Variants in SNX29 observed in about 807,000 individuals in gnomAD.
SNX29 encodes sorting nexin 29.
In SNX29, 78 loss-of-function variants were observed where a neutral mutation model predicts 102.1. The observed-to-expected ratio is 0.76, with a 90% CI of 0.64 to 0.92. The LOEUF (loss-of-function observed/expected upper bound fraction) is 0.92, where lower values mean the gene tolerates loss of function less well. Among genes scored for constraint, SNX29 ranks in the 40% least tolerant of loss-of-function variants. The pLI is 0.00. For synonymous variants in SNX29, 580 were observed against 414.5 expected, an observed-to-expected ratio of 1.40 and a Z score of -4.85; for missense variants, 1,280 against 1,061.7, an observed-to-expected ratio of 1.21 and a Z score of -2.86.
intron 19 of SNX29, among the ~76,000 whole-genome samples, chr16:12,517,985 G>T (rs1327279720): frequency 6.6e-6 from 1 of 152,168 alleles, no homozygotes; most frequent in Non-Finnish European, 1.5e-5. Flanking sequence ...TACAATGTTG[G>T]TGAGGGTCGG....
rs2079217290 is a variant in SNX29, at chr16:12,572,861, AG to A, written c.*4234del. On this transcript the variant is annotated 3_prime_UTR_variant, in exon 21 of 21. Coordinates refer to ENST00000566228, the MANE Select transcript of SNX29 (RefSeq NM_032167.5). ...CCTCATGCCCAGGTTTCAGCCCTAA[AG>A]GTAATGATTGTCTTGACTCTGCCTT... The A allele has an allele frequency of 9.4e-7, 1 of 1,063,392 alleles. No individual in the cohort carries two copies. The highest frequency in any genetic ancestry group is 1.1e-6 in the Non-Finnish European group (1 of 878,026). 65.9% of individuals were successfully genotyped at this position (1,063,392 alleles called of 1,614,324 possible).
intron 9 of SNX29, among the ~76,000 whole-genome samples, chr16:12,067,403 C>T (rs1483868203): frequency 1.3e-5 from 2 of 152,120 alleles, no homozygotes; most frequent in African/African-American, 4.8e-5. Flanking sequence ...ATGAGGAAGG[C>T]ACCGAGGCGT....
intron 13 of SNX29, among the ~76,000 whole-genome samples, chr16:12,138,980 A>G (rs774717363): frequency 2.0e-5 from 3 of 152,020 alleles, no homozygotes; most frequent in Non-Finnish European, 4.4e-5. Context: ...AGGTAGGTGG[A>G]TCACTGAGGT....
intron 15 of SNX29, among the ~76,000 whole-genome samples, chr16:12,290,379 C>A (rs1395177346): frequency 6.6e-6 from 1 of 152,164 alleles, no homozygotes; most frequent in Admixed American, 6.5e-5. Context: ...TGGCTGACTT[C>A]TGATCTTTCA....
rs957234863 is a variant in SNX29, at chr16:12,468,090, C to T, written c.2038-9629C>T. ...CTCCTTTCACTTGTCCCCTGTTACA[C>T]GAGCCCCTGCCACATGTTCCCTCTG... On this transcript the variant is annotated intron_variant, in intron 18 of 20. Coordinates refer to ENST00000566228, the MANE Select transcript of SNX29 (RefSeq NM_032167.5). Among the ~76,000 whole-genome samples the T allele has an allele frequency of 4.0e-5, 6 of 151,750 alleles. No individual in the cohort carries two copies. The East Asian group carries it at 9.7e-4, about 25-fold the overall frequency.
intron 18 of SNX29, among the ~76,000 whole-genome samples, chr16:12,414,149 T>A (rs2084526613): frequency 6.6e-6 from 1 of 152,196 alleles, no homozygotes; most frequent in African/African-American, 2.4e-5. Context: ...TGAGTATTTG[T>A]AATCTGTGGT....
In SNX29 at chr16:12,199,673, A is replaced by G. The variant is rs142571390; in HGVS notation, c.1668A>G (p.Gln556=). The G allele has an allele frequency of 9.0e-3, 14,579 of 1,611,824 alleles. 87 individuals carry two copies. Among genetic ancestry groups the G allele is most frequent in the Non-Finnish European group, 0.011 (12,591 of 1,178,886 alleles). Reference sequence around the variant, plus strand: ...TCCAGATGCTGAAAAGAGAAGGTCAAACAGCTGAAGGTGAGGGGGAGCCTG... The same window carrying G: ...TCCAGATGCTGAAAAGAGAAGGTCAGACAGCTGAAGGTGAGGGGGAGCCTG... ...GAVQMLKREG[Q]TAEVPNLWSV... The change falls in exon 14 of 21, where the codon CAA becomes CAG. Residue 556 remains glutamine, a synonymous_variant. Coordinates refer to ENST00000566228, the MANE Select transcript of SNX29 (RefSeq NM_032167.5).
At chr16:12,243,635 AT>A (rs2078176641) in intron 14 of SNX29, among the ~76,000 whole-genome samples, 1 of 152,080 alleles carries the variant, frequency 6.6e-6, no homozygotes, top group Non-Finnish European at 1.5e-5. Context: ...TGGCCCAGAC[AT>A]TTTGGGGCAT....
chr16:12,544,122 G>A (rs368144677), intron 20 of SNX29, among the ~76,000 whole-genome samples: 1 of 152,204 alleles, frequency 6.6e-6, no homozygotes, highest in East Asian at 1.9e-4. Context: ...AGGAAAACAA[G>A]TCCATAACCC....
At chr16:12,481,436 A>G (rs2087906016) in intron 19 of SNX29, among the ~76,000 whole-genome samples, 2 of 142,004 alleles carry the variant, frequency 1.4e-5, no homozygotes, top group African/African-American at 2.8e-5. Context: ...ATATACACAT[A>G]TATACACACA....
At chr16:12,526,629 C>G (rs1356318724) in intron 20 of SNX29, 3 of 532,008 alleles carry the variant, frequency 5.6e-6, no homozygotes, top group African/African-American at 3.7e-5. Flanking sequence ...TCCCCATGGC[C>G]CAGGGTGCAC....
At chr16:12,352,548 C>T (rs2082018850) in intron 15 of SNX29, among the ~76,000 whole-genome samples, 1 of 152,344 alleles carries the variant, frequency 6.6e-6, no homozygotes, top group African/African-American at 2.4e-5. Flanking sequence ...GCCAAATAGG[C>T]AAGTTACTTA....
chr16:12,562,800 G>A (rs1014495329), intron 20 of SNX29, among the ~76,000 whole-genome samples: 24 of 152,248 alleles, frequency 1.6e-4, no homozygotes, highest in African/African-American at 5.5e-4. Context: ...TCAAGATGTG[G>A]AACAACTCCT....
chr16:12,092,083 T>TC, intron 11 of SNX29, among the ~76,000 whole-genome samples: 1 of 152,122 alleles, frequency 6.6e-6, no homozygotes, highest in Middle Eastern at 3.4e-3. Context: ...TCTCATCCCA[T>TC]CCCCCCAAGT....
At chr16:11,998,885 C>T (rs543996537) in intron 1 of SNX29, among the ~76,000 whole-genome samples, 1 of 152,294 alleles carries the variant, frequency 6.6e-6, no homozygotes. Flanking sequence ...TACTGGGAAA[C>T]TTATATTTTA....
rs911278031 is a variant in SNX29 at position 12,220,045 on chromosome 16, T to C, written c.1678+20362T>C. On this transcript the variant is annotated intron_variant, in intron 14 of 20. Transcript: ENST00000566228. ...TTGTTGGCTTTGGCCCAGACAAGCC[T>C]TGAAAACTGATTCTGCTGTTACTCC... Among the ~76,000 whole-genome samples, 4 of 152,384 alleles carry C rather than the reference T, an allele frequency of 2.6e-5. No homozygotes were observed. In the East Asian group the frequency reaches 7.7e-4, roughly 29 times the overall value.
At chr16:12,019,890 G>A (rs777174221) in intron 3 of SNX29, among the ~76,000 whole-genome samples, 2 of 151,962 alleles carry the variant, frequency 1.3e-5, no homozygotes, top group Non-Finnish European at 2.9e-5. Context: ...GCCTGCCTTG[G>A]CCTCCCAAAG....
chr16:12,571,684 CCTT>C lies in SNX29; in HGVS notation c.*3056_*3058del. On this transcript the variant is annotated 3_prime_UTR_variant, in exon 21 of 21. Transcript: ENST00000566228. The stretch of plus-strand genomic sequence containing the variant: ...GGTAGGGCTGGGCAGAGGTGTCTCT[CCTT>C]GAGAGACAACAAAAGCTTCTAAGGG... 1 of 1,059,502 alleles carries C rather than the reference CCTT, an allele frequency of 9.4e-7. No homozygotes were observed. The highest frequency in any genetic ancestry group is 1.1e-6 in the Non-Finnish European group (1 of 876,216). The allele number at this position is 1,059,502 out of a possible 1,614,324, so 65.6% of individuals were successfully genotyped here. A position where few individuals can be genotyped will look rare whatever the true frequency, so the allele number is the denominator to read the frequency against.
In SNX29 at chr16:12,057,699, C is replaced by G. The variant is rs563360401; in HGVS notation, c.1125-3829C>G. On this transcript the variant is annotated intron_variant, in intron 8 of 20. Coordinates refer to ENST00000566228, the MANE Select transcript of SNX29 (RefSeq NM_032167.5). ...CAGCAGAAGATTTTATAGTTTAAGC[C>G]TTGACATTTTAACATTTAGGATCTC... Among the ~76,000 whole-genome samples, 3 of 152,160 alleles carry G rather than the reference C, an allele frequency of 2.0e-5. No individual in the cohort carries two copies. The East Asian group carries it at 5.8e-4, about 29-fold the overall frequency.
Sources: gnomAD v4.1 joint callset for allele counts (sites outside exome capture counted in the v4.1 genomes callset) on GRCh38, gnomAD v4.1.1 for gene constraint, MANE v1.5 for transcripts, NCBI Gene and HGNC (gene_info 2026-07-23, HGNC 2026-07-21) for gene names.